Variants in CPLANE1 observed in about 807,000 individuals in gnomAD.
CPLANE1 encodes the protein ciliogenesis and planar polarity effector 1.
CPLANE1 carries 263 observed loss-of-function variants against 362.5 expected under a neutral mutation model. The ratio of observed to expected loss-of-function variants is 0.73; its 90% confidence interval spans 0.66 to 0.80. The LOEUF is 0.80. Ranked by LOEUF, CPLANE1 falls within the 30% of genes least tolerant of loss-of-function variation. The probability of loss-of-function intolerance (pLI) is 0.00; values close to 1 mark genes in which losing one functional copy is unlikely to be tolerated. For missense variants in CPLANE1, 3,461 were observed against 3,793.4 expected (o/e 0.91, Z 2.30); for synonymous variants, 1,212 against 1,302.6 (o/e 0.93, Z 1.50).
At chr5:37,232,871 C>T (rs980027073) in intron 8 of CPLANE1, among the ~76,000 whole-genome samples, 2 of 145,466 alleles carry the variant, frequency 1.4e-5, no homozygotes, top group African/African-American at 5.1e-5. Flanking sequence ...AAGAAAGACA[C>T]TCAGCTCAAG....
At chr5:37,162,375 C>A in intron 38 of CPLANE1, 90 bp downstream of exon 38, 1 of 756,510 alleles carries the variant, frequency 1.3e-6, no homozygotes, top group South Asian at 1.9e-5. Context: ...ATTAAAAATT[C>A]CCTTTAAATC....
chr5:37,172,005 T>C (rs1411164014), intron 32 of CPLANE1, among the ~76,000 whole-genome samples: 1 of 152,062 alleles, frequency 6.6e-6, no homozygotes, highest in East Asian at 1.9e-4. Context: ...AGAGATGAGG[T>C]CTTGCTATGT....
At chr5:37,128,123 T>C (rs1450575460) in intron 46 of CPLANE1, among the ~76,000 whole-genome samples, 1 of 152,246 alleles carries the variant, frequency 6.6e-6, no homozygotes, top group Non-Finnish European at 1.5e-5. Context: ...ATTTAAAAGA[T>C]ATTTTTATTA....
chr5:37,108,330 T>TG lies in CPLANE1; in HGVS notation c.9541dup (p.His3181ProfsTer2). 6.2e-6 allele frequency: 10 copies of TG among 1,614,210 alleles called. No individual in the cohort carries two copies. Among genetic ancestry groups the TG allele is most frequent in the Non-Finnish European group, 7.6e-6 (9 of 1,180,012 alleles). ...ATTGTGACTCTCATGAAGAATCTTATGGATTTCTGAAGGTATCGTCCAGGG... is the reference window on the plus strand; with the variant it reads ...ATTGTGACTCTCATGAAGAATCTTATGGGATTTCTGAAGGTATCGTCCAGGG... On this transcript the variant is annotated frameshift_variant, in exon 52 of 53. Coordinates refer to ENST00000651892, the MANE Select transcript of CPLANE1 (RefSeq NM_001384732.1). LOFTEE classifies it low-confidence loss of function (END_TRUNC).
intron 28 of CPLANE1, 93 bp downstream of exon 28, chr5:37,179,922 CTT>C (rs1782194090): frequency 1.1e-5 from 8 of 729,674 alleles, no homozygotes; most frequent in Non-Finnish European, 1.7e-5. Flanking sequence ...AACATACTAA[CTT>C]AGGTATAAGA....
chr5:37,211,400 CA>C, intron 16 of CPLANE1: 1 of 1,517,154 alleles, frequency 6.6e-7, no homozygotes, highest in Non-Finnish European at 8.8e-7. Context: ...TGGAAGCCTT[CA>C]AAAACATTAC....
rs1345962523 is a variant in CPLANE1 at position 37,209,821 on chromosome 5, C to T, written c.2921-3396G>A. 1.7e-5 allele frequency: 23 copies of T among 1,353,116 alleles called. No homozygotes were observed. The highest frequency in any genetic ancestry group is 2.2e-5 in the Non-Finnish European group (21 of 944,740). 83.8% of individuals were successfully genotyped at this position (1,353,116 alleles called of 1,614,324 possible). A position where few individuals can be genotyped will look rare whatever the true frequency, so the allele number is the denominator to read the frequency against. ...AAAGGATTGGCAGAATATCATCAAG[C>T]TAAAGAAAGTTGTAATATGGAAACT... is the stretch of plus-strand genomic sequence containing the variant. On this transcript the variant is annotated intron_variant, in intron 16 of 52. Transcript: ENST00000651892. This position sits in a 1 kb window ranked among gnomAD's most constrained non-coding sequence, Gnocchi z 4.6.
chr5:37,211,609 G>A (rs1049415133), intron 16 of CPLANE1: 7 of 871,210 alleles, frequency 8.0e-6, no homozygotes, highest in Admixed American at 3.4e-5. Context: ...AGCCTTGAAA[G>A]TGAAATATAT....
Position 37,187,951 on chromosome 5 carries a change from A to G in CPLANE1, c.3812-109T>C, listed in dbSNP as rs367975781. The stretch of plus-strand genomic sequence containing the variant: ...TTTTCAAAATAAAGGTCTTTATTTC[A>G]TTCATTATAAAATGAACACATGCTC... On this transcript the variant is annotated intron_variant, in intron 21 of 52. Transcript: ENST00000651892. 10 of 624,134 alleles carry G rather than the reference A, an allele frequency of 1.6e-5. No individual in the cohort carries two copies. The South Asian group carries it at 3.5e-4, about 22-fold the overall frequency. The allele number at this position is 624,134 out of a possible 1,614,324, so 38.7% of individuals were successfully genotyped here.
At chr5:37,241,111 G>A (rs925504523) in intron 6 of CPLANE1, among the ~76,000 whole-genome samples, 17 of 151,786 alleles carry the variant, frequency 1.1e-4, no homozygotes, top group Non-Finnish European at 1.9e-4. Flanking sequence ...ACTCCAGCCT[G>A]GGCAACAGAG....
intron 1 of CPLANE1, 162 bp from the exon 2 acceptor site, chr5:37,247,907 C>T: frequency 2.4e-6 from 1 of 410,156 alleles, no homozygotes; most frequent in Non-Finnish European, 4.3e-6. Flanking sequence ...AAGTGATTCT[C>T]CTGCGTTAGC....
intron 25 of CPLANE1, among the ~76,000 whole-genome samples, chr5:37,184,036 G>A (rs1783337748): frequency 1.3e-5 from 2 of 152,040 alleles, no homozygotes; most frequent in South Asian, 4.2e-4. Context: ...CAGATTTTAG[G>A]AATACAAAGT....
Position 37,216,143 on chromosome 5 carries a change from C to T in CPLANE1, c.2747-2411G>A, listed in dbSNP as rs558160578. The stretch of plus-strand genomic sequence containing the variant: ...TGAGCCACCATGACCACCCAAGATT[C>T]TTAATGCTTTTGTCTGTACCATTAG... On this transcript the variant is annotated intron_variant, in intron 15 of 52. Coordinates refer to ENST00000651892, the MANE Select transcript of CPLANE1 (RefSeq NM_001384732.1). Among the ~76,000 whole-genome samples, 24 of 152,234 alleles carry T rather than the reference C, an allele frequency of 1.6e-4. 2 individuals carry two copies. In the South Asian group the frequency reaches 4.8e-3, roughly 30 times the overall value.
In CPLANE1 at chr5:37,140,712, G is replaced by C. The variant is rs1381574215; in HGVS notation, c.8633-1342C>G. 3.0e-6 allele frequency: 3 copies of C among 985,334 alleles called. No homozygotes were observed. The African/African-American group carries it at 5.2e-5, about 17-fold the overall frequency. The allele number at this position is 985,334 out of a possible 1,614,324, so 61.0% of individuals were successfully genotyped here. A position where few individuals can be genotyped will look rare whatever the true frequency, so the allele number is the denominator to read the frequency against. ...GAAGATGGTGACCTCTTGGGTTAAA[G>C]ATTGAAGTGTTTGTCATCAAAGGTT... On this transcript the variant is annotated intron_variant, in intron 44 of 52. Transcript: ENST00000651892.
chr5:37,140,286 G>A (rs1181712987), intron 44 of CPLANE1: 2 of 968,920 alleles, frequency 2.1e-6, no homozygotes, highest in East Asian at 1.1e-4. Flanking sequence ...AACCAAATCT[G>A]TCCCTAAGAC....
rs923748381 is a variant in CPLANE1, at chr5:37,110,076, C to G, written c.9401-1605G>C. Among the ~76,000 whole-genome samples, 5 of 152,302 alleles carry G rather than the reference C, an allele frequency of 3.3e-5. No individual in the cohort carries two copies. The South Asian group carries it at 1.0e-3, about 32-fold the overall frequency. ...CCATCTCCATTGTTAAAACCCTAGCCCAAGCAATCTATCCTTGTATGCCGT... is the reference window on the plus strand; with the variant it reads ...CCATCTCCATTGTTAAAACCCTAGCGCAAGCAATCTATCCTTGTATGCCGT... On this transcript the variant is annotated intron_variant, in intron 51 of 52. Coordinates refer to ENST00000651892, the MANE Select transcript of CPLANE1 (RefSeq NM_001384732.1).
intron 46 of CPLANE1, among the ~76,000 whole-genome samples, chr5:37,133,059 A>G (rs1007722856): frequency 1.3e-5 from 2 of 152,026 alleles, no homozygotes; most frequent in African/African-American, 2.4e-5. Flanking sequence ...ATTTTTGTCA[A>G]CTTTGTCAAA....
At chr5:37,211,092 A>G (rs1263889398) in intron 16 of CPLANE1, 2 of 968,166 alleles carry the variant, frequency 2.1e-6, no homozygotes, top group African/African-American at 3.2e-5. Context: ...AATAAATGGC[A>G]ACATGGTGCT....
chr5:37,138,760 C>T lies in CPLANE1; in HGVS notation c.8752G>A (p.Glu2918Lys). 1 of 1,613,026 alleles carries T rather than the reference C, an allele frequency of 6.2e-7. No homozygotes were observed. Among genetic ancestry groups the T allele is most frequent in the Non-Finnish European group, 8.5e-7 (1 of 1,179,536 alleles). The change falls in exon 46 of 53, where the codon GAA becomes AAA. Residue 2918 changes from glutamate to lysine, a missense_variant. Transcript: ENST00000651892. ...GCTTGTTCTGTTAAGCCAAGTTCTTCACTGGAAACTCCGTCTTTAATTATA... is the reference window on the plus strand; with the variant it reads ...GCTTGTTCTGTTAAGCCAAGTTCTTTACTGGAAACTCCGTCTTTAATTATA... ...DLIIKDGVSS[E>K]ELGLTEQAMG...
Sources: gnomAD v4.1 joint callset for allele counts (sites outside exome capture counted in the v4.1 genomes callset) on GRCh38, gnomAD v4.1.1 for gene constraint, Gnocchi (gnomAD v3.1) non-coding constraint, MANE v1.5 for transcripts, NCBI Gene and HGNC (gene_info 2026-07-23, HGNC 2026-07-21) for gene names.